The following KANK1 variants were observed in gnomAD, a reference collection of about 807,000 sequenced individuals.
KANK1 encodes the protein KN motif and ankyrin repeat domains 1.
A neutral mutation model predicts 106.2 loss-of-function variants in KANK1; 109 were observed. The ratio of observed to expected loss-of-function variants is 1.03; its 90% CI spans 0.88 to 1.20. The LOEUF is 1.20. Ranked by LOEUF, KANK1 falls within the 50% of genes most tolerant of loss-of-function variation. The pLI is 0.00. For missense variants in KANK1, 2,399 were observed against 1,710.7 expected, an observed-to-expected ratio of 1.40 and a Z score of -7.10; for synonymous variants, 873 against 652.2, an observed-to-expected ratio of 1.34 and a Z score of -5.16.
At chr9:531,372 A>G (rs2060048265) in intron 1 of KANK1, among the ~76,000 whole-genome samples, 1 of 152,184 alleles carries the variant, frequency 6.6e-6, no homozygotes. Context: ...TGGAGGCTGC[A>G]GTGAGCTGTA....
At chr9:642,746 T>G (rs1838764657) in intron 1 of KANK1, among the ~76,000 whole-genome samples, 1 of 150,096 alleles carries the variant, frequency 6.7e-6, no homozygotes, top group Non-Finnish European at 1.5e-5. Context: ...TCTTTCACAA[T>G]AAATAGGTGC....
intron 1 of KANK1, among the ~76,000 whole-genome samples, chr9:636,689 A>G (rs998974560): frequency 6.6e-6 from 1 of 152,152 alleles, no homozygotes; most frequent in Admixed American, 6.5e-5. Context: ...AACATAATGA[A>G]ACCCCATATC....
intron 2 of KANK1, among the ~76,000 whole-genome samples, chr9:708,684 G>A (rs1825017644): frequency 6.6e-6 from 1 of 152,148 alleles, no homozygotes; most frequent in African/African-American, 2.4e-5. Flanking sequence ...GGCAGTGCTG[G>A]GGGTTGGGAG....
intron 1 of KANK1, among the ~76,000 whole-genome samples, chr9:570,074 G>A (rs1818790959): frequency 6.6e-6 from 1 of 151,770 alleles, no homozygotes; most frequent in African/African-American, 2.4e-5. Context: ...TCCTTGTATT[G>A]GGTTTTTTGT....
chr9:564,512 T>C (rs924846057), intron 1 of KANK1, among the ~76,000 whole-genome samples: 2 of 152,210 alleles, frequency 1.3e-5, no homozygotes, highest in African/African-American at 4.8e-5. Flanking sequence ...GGATATATGT[T>C]CAGATTGTTT....
At chr9:497,266 G>C (rs1457443100) in intron 3 of KANK1, among the ~76,000 whole-genome samples, 1 of 152,174 alleles carries the variant, frequency 6.6e-6, no homozygotes, top group South Asian at 2.1e-4. Flanking sequence ...CCATGGGCAA[G>C]GGTGAGGGAA....
chr9:721,864 C>T (rs913962491), intron 3 of KANK1, among the ~76,000 whole-genome samples: 2 of 152,234 alleles, frequency 1.3e-5, no homozygotes, highest in African/African-American at 2.4e-5. Context: ...AACTTGAAGA[C>T]GGTTTCACTC....
intron 2 of KANK1, among the ~76,000 whole-genome samples, chr9:682,318 C>T (rs913594082): frequency 1.3e-4 from 19 of 151,444 alleles, no homozygotes; most frequent in African/African-American, 4.6e-4. Flanking sequence ...TTAATGATAA[C>T]ATAAAATTTG....
intron 1 of KANK1, among the ~76,000 whole-genome samples, chr9:507,491 G>C (rs955063930): frequency 1.3e-5 from 2 of 151,882 alleles, no homozygotes; most frequent in Non-Finnish European, 2.9e-5. Context: ...CCAGGTTTAA[G>C]CGATTCTCCT....
At chr9:547,844 AAAGTGGT>A (rs1465099769) in intron 1 of KANK1, among the ~76,000 whole-genome samples, 1 of 152,242 alleles carries the variant, frequency 6.6e-6, no homozygotes, top group African/African-American at 2.4e-5. Flanking sequence ...TGGTGGACAA[AAAGTGGT>A]AAGTTTTAGG....
intron 1 of KANK1, among the ~76,000 whole-genome samples, chr9:511,129 A>T (rs1463153617): frequency 1.3e-5 from 2 of 152,216 alleles, no homozygotes; most frequent in African/African-American, 4.8e-5. Flanking sequence ...GGGATGGAGA[A>T]ATTAATGCTG....
chr9:650,484 C>T (rs377722460), intron 1 of KANK1, among the ~76,000 whole-genome samples: 2 of 152,088 alleles, frequency 1.3e-5, no homozygotes, highest in East Asian at 3.9e-4. Flanking sequence ...GGATGGGGGC[C>T]TAAGATTCTG....
intron 1 of KANK1, among the ~76,000 whole-genome samples, chr9:621,367 A>C (rs932149134): frequency 6.6e-6 from 1 of 152,164 alleles, no homozygotes; most frequent in Non-Finnish European, 1.5e-5. Flanking sequence ...CTTCATATGC[A>C]CTGAGTCTGG....
chr9:668,983 C>G (rs1845299021), intron 1 of KANK1, among the ~76,000 whole-genome samples: 1 of 152,102 alleles, frequency 6.6e-6, no homozygotes, highest in Non-Finnish European at 1.5e-5. Context: ...GACCTGGTTC[C>G]TAACATGCGA....
intron 2 of KANK1, among the ~76,000 whole-genome samples, chr9:695,259 C>G (rs1820950728): frequency 6.6e-6 from 1 of 152,152 alleles, no homozygotes; most frequent in South Asian, 2.1e-4. Context: ...GCCCTGAGGA[C>G]TTCGGGAGAG....
chr9:617,570 T>C (rs1313521758), intron 1 of KANK1, among the ~76,000 whole-genome samples: 1 of 152,162 alleles, frequency 6.6e-6, no homozygotes, highest in Non-Finnish European at 1.5e-5. Flanking sequence ...CCTTTACAGC[T>C]ACTTGATGGT....
chr9:597,888 C>G (rs892809306), intron 1 of KANK1, among the ~76,000 whole-genome samples: 1 of 151,542 alleles, frequency 6.6e-6, no homozygotes, highest in African/African-American at 2.4e-5. Flanking sequence ...CTATCTTGAA[C>G]TCTTGACCTC....
At chr9:744,841 C>A in intron 11 of KANK1, 1 of 1,420,978 alleles carries the variant, frequency 7.0e-7, no homozygotes, top group Non-Finnish European at 9.2e-7. Context: ...GGTTTTGATT[C>A]TGTGCAGAAT....
intron 3 of KANK1, among the ~76,000 whole-genome samples, chr9:485,572 A>G (rs1175949694): frequency 6.6e-6 from 1 of 152,106 alleles, no homozygotes; most frequent in Non-Finnish European, 1.5e-5. Context: ...TAAAGCAAAA[A>G]CTGCTTAGTA....
Sources: gnomAD v4.1 joint callset for allele counts (sites outside exome capture counted in the v4.1 genomes callset) on GRCh38, gnomAD v4.1.1 for gene constraint, MANE v1.5 for transcripts, NCBI Gene and HGNC (gene_info 2026-07-23, HGNC 2026-07-21) for gene names.